FOXP2: variants seen among roughly 807,000 people sequenced by gnomAD.
The protein encoded by FOXP2 is forkhead box P2.
A neutral mutation model predicts 115.8 loss-of-function variants in FOXP2; 12 were observed. The ratio of observed to expected loss-of-function variants is 0.10; its 90% confidence interval spans 0.07 to 0.17. The LOEUF is 0.17. Ranked by LOEUF, FOXP2 falls within the 10% of genes least tolerant of loss-of-function variation. The pLI, the probability that FOXP2 is intolerant of heterozygous loss-of-function variation, is 1.00. For synonymous variants in FOXP2, 328 were observed against 297.7 expected, an observed-to-expected ratio of 1.10 and a Z score of -1.05; for missense variants, 629 against 843.5, an observed-to-expected ratio of 0.75 and a Z score of 3.15.
intron 3 of FOXP2, among the ~76,000 whole-genome samples, chr7:114,571,537 C>T (rs147052234): frequency 1.4e-4 from 22 of 151,886 alleles, no homozygotes; most frequent in South Asian, 2.1e-4. Context: ...ATATAGTCAG[C>T]GCTTCACAGT....
At chr7:114,430,522 A>G (rs1794058046) in intron 2 of FOXP2, among the ~76,000 whole-genome samples, 1 of 151,798 alleles carries the variant, frequency 6.6e-6, no homozygotes. Context: ...GCACTGGTAA[A>G]TAGTGGCAAG....
At position 114,642,740 on chromosome 7, in the gene FOXP2, G is replaced by T. The variant is rs577576459; in HGVS notation, c.989+117G>T. 66 of 577,646 alleles carry T rather than the reference G, an allele frequency of 1.1e-4. No individual in the cohort carries two copies. The East Asian group carries it at 2.4e-3, about 21-fold the overall frequency. 35.8% of individuals were successfully genotyped at this position (577,646 alleles called of 1,614,324 possible). On this transcript the variant is annotated intron_variant, in intron 7 of 16. Transcript: ENST00000350908. The stretch of plus-strand genomic sequence containing the variant: ...CAAGGACAAAATGTATAGAACAACA[G>T]ATTAGAAATCTTTAGATTATTTATC...
intron 2 of FOXP2, among the ~76,000 whole-genome samples, chr7:114,310,604 CAG>C (rs1418501750): frequency 3.3e-5 from 5 of 151,806 alleles, no homozygotes; most frequent in Admixed American, 3.3e-4. Context: ...TGGCAGGCAT[CAG>C]AGTTTCTAGT....
At chr7:114,602,173 G>T (rs1803067923) in intron 3 of FOXP2, among the ~76,000 whole-genome samples, 1 of 151,944 alleles carries the variant, frequency 6.6e-6, no homozygotes. Context: ...TTTATTAAGA[G>T]AAAGCATATT....
rs10232566 is a variant in FOXP2 at position 114,539,411 on chromosome 7, G to T, written c.258+4705G>T. On this transcript the variant is annotated intron_variant, in intron 3 of 16. Transcript: ENST00000350908. Reference sequence around the variant, plus strand: ...TTTTATTCCAAATAAAAGCAGCATTGCCAGAAAAATTGAGATACGGGTTTA... The same window carrying T: ...TTTTATTCCAAATAAAAGCAGCATTTCCAGAAAAATTGAGATACGGGTTTA... Among the ~76,000 whole-genome samples the T allele has an allele frequency of 1.4e-3, 209 of 151,962 alleles. 1 individual carries two copies. Among genetic ancestry groups the T allele is most frequent in the African/African-American group, 4.6e-3 (193 of 41,524 alleles).
chr7:114,100,960 A>G (rs1404171943), intron 1 of FOXP2, among the ~76,000 whole-genome samples: 1 of 152,166 alleles, frequency 6.6e-6, no homozygotes, highest in Non-Finnish European at 1.5e-5. Context: ...GATTTACTCT[A>G]TTTGCAAACC....
At chr7:114,317,956 T>C (rs1797312442) in intron 2 of FOXP2, among the ~76,000 whole-genome samples, 1 of 152,130 alleles carries the variant, frequency 6.6e-6, no homozygotes, top group Non-Finnish European at 1.5e-5. Flanking sequence ...TTTATCTGCA[T>C]GGCTAACTCC....
chr7:114,134,994 A>G (rs1192765543), intron 1 of FOXP2, among the ~76,000 whole-genome samples: 1 of 152,208 alleles, frequency 6.6e-6, no homozygotes, highest in Non-Finnish European at 1.5e-5. Context: ...CTTCACTGTT[A>G]TAAATAAAGC....
rs184423423 is a variant in FOXP2 at position 114,430,937 on chromosome 7, T to C, written c.168+4258T>C. Among the ~76,000 whole-genome samples, 142 of 152,086 alleles carry C rather than the reference T, an allele frequency of 9.3e-4. 1 individual carries two copies. The highest frequency in any genetic ancestry group is 3.2e-3 in the African/African-American group (135 of 41,548). The stretch of plus-strand genomic sequence containing the variant: ...AACAAAATGGTAATAAGCATTTATG[T>C]AATTTGTCTCATGAATTGGGTATAC... On this transcript the variant is annotated intron_variant, in intron 2 of 16. Transcript: ENST00000350908.
intron 1 of FOXP2, among the ~76,000 whole-genome samples, chr7:114,257,905 C>G (rs1795662721): frequency 6.6e-6 from 1 of 152,038 alleles, no homozygotes; most frequent in Admixed American, 6.6e-5. Flanking sequence ...ACAAGGAGGC[C>G]AGGGAGTAAG....
intron 1 of FOXP2, among the ~76,000 whole-genome samples, chr7:114,252,559 G>T (rs898532080): frequency 6.6e-6 from 1 of 152,156 alleles, no homozygotes; most frequent in African/African-American, 2.4e-5. Context: ...ATTTCTTCTA[G>T]ATTTTCTAGT....
intron 16 of FOXP2, among the ~76,000 whole-genome samples, chr7:114,671,179 A>G (rs572694619): frequency 2.2e-4 from 34 of 152,028 alleles, no homozygotes; most frequent in Non-Finnish European, 4.4e-4. Context: ...TGATTATGCC[A>G]GCTCTTTATC....
chr7:114,143,454 G>T (rs1351501496), intron 1 of FOXP2, among the ~76,000 whole-genome samples: 1 of 151,610 alleles, frequency 6.6e-6, no homozygotes, highest in Non-Finnish European at 1.5e-5. Context: ...AACAAACAAT[G>T]CCCCCCCACC....
chr7:114,482,422 T>C (rs968463317), intron 2 of FOXP2, among the ~76,000 whole-genome samples: 5 of 151,590 alleles, frequency 3.3e-5, no homozygotes, highest in African/African-American at 9.7e-5. Context: ...TGAAGGTAAT[T>C]TGAGATTTTT....
At chr7:114,673,155 T>C (rs1165202717) in intron 16 of FOXP2, among the ~76,000 whole-genome samples, 1 of 152,188 alleles carries the variant, frequency 6.6e-6, no homozygotes, top group Non-Finnish European at 1.5e-5. Flanking sequence ...CAAGACTGAC[T>C]TAAAGGCAAA....
At position 114,415,365 on chromosome 7, in the gene FOXP2, G is replaced by A. The variant is rs1428786519; in HGVS notation, c.-11+5G>A. 7 of 444,924 alleles carry A rather than the reference G, an allele frequency of 1.6e-5. No homozygotes were observed. Among genetic ancestry groups the A allele is most frequent in the African/African-American group, 2.0e-5 (1 of 49,104 alleles). The allele number at this position is 444,924 out of a possible 1,614,324, so 27.6% of individuals were successfully genotyped here. ...GCTCTAACATTTCCAGAGAAGGTAC[G>A]TTACTTTTTGCTAAGAGAATATCTG... On this transcript the variant is annotated splice_donor_5th_base_variant and intron_variant, in intron 1 of 16. Coordinates refer to ENST00000350908, the MANE Select transcript of FOXP2 (RefSeq NM_014491.4).
At chr7:114,545,591 T>G (rs1168084975) in intron 3 of FOXP2, among the ~76,000 whole-genome samples, 1 of 152,178 alleles carries the variant, frequency 6.6e-6, no homozygotes, top group Admixed American at 6.5e-5. Flanking sequence ...TAAGAAAAGA[T>G]GGATTGTATA....
intron 2 of FOXP2, among the ~76,000 whole-genome samples, chr7:114,478,793 C>T (rs1049498348): frequency 2.0e-5 from 3 of 151,570 alleles, no homozygotes; most frequent in African/African-American, 4.8e-5. Context: ...AACACAACAC[C>T]ACGTTTAGCA....
chr7:114,573,437 G>GT (rs1472079275), intron 3 of FOXP2, among the ~76,000 whole-genome samples: 1 of 151,742 alleles, frequency 6.6e-6, no homozygotes, highest in Non-Finnish European at 1.5e-5. Flanking sequence ...CTGGAACACC[G>GT]TAAGAGTACT....
Sources: allele counts gnomAD v4.1 joint callset (sites outside exome capture counted in the v4.1 genomes callset), GRCh38; gene constraint gnomAD v4.1.1; transcripts MANE v1.5; gene names NCBI Gene and HGNC (gene_info 2026-07-23, HGNC 2026-07-21).